CACNA1C: variants seen among roughly 807,000 people sequenced by gnomAD.
CACNA1C encodes calcium voltage-gated channel subunit alpha1 C.
Under a neutral mutation model 229.0 loss-of-function variants are expected in CACNA1C, and 30 were observed. The observed-to-expected ratio is 0.13, with a 90% CI of 0.10 to 0.18. The LOEUF is 0.18. CACNA1C is among the 10% of genes least tolerant of loss of function. CACNA1C has a pLI of 1.00. For synonymous variants in CACNA1C, 1,114 were observed against 1,132.5 expected (o/e 0.98, Z 0.33); for missense variants, 1,658 against 2,845.0 (o/e 0.58, Z 9.49).
chr12:2,312,435 G>A (rs2095487875), intron 3 of CACNA1C, among the ~76,000 whole-genome samples: 1 of 152,180 alleles, frequency 6.6e-6, no homozygotes, highest in Non-Finnish European at 1.5e-5. Context: ...ACAAAGCACT[G>A]TAATCTCTCC....
Position 2,605,864 on chromosome 12 carries a change from G to C in CACNA1C, c.3156+78G>C. The C allele has an allele frequency of 1.0e-6, 1 of 993,996 alleles. No homozygotes were observed. Among genetic ancestry groups the C allele is most frequent in the Non-Finnish European group, 1.6e-6 (1 of 622,334 alleles). 61.6% of individuals were successfully genotyped at this position (993,996 alleles called of 1,614,324 possible). A position where few individuals can be genotyped will look rare whatever the true frequency, so the allele number is the denominator to read the frequency against. ...CTGGGGAAGGGAACTGGCAGATATA[G>C]TACAAACGAGACAGTGTCCTGAGCC... is the stretch of plus-strand genomic sequence containing the variant. On this transcript the variant is annotated intron_variant, in intron 24 of 46. Transcript: ENST00000399655. This position sits in a 1 kb window ranked among gnomAD's most constrained non-coding sequence, Gnocchi z 6.2.
At chr12:2,077,625 A>G (rs2063708043) in intron 1 of CACNA1C, among the ~76,000 whole-genome samples, 1 of 152,224 alleles carries the variant, frequency 6.6e-6, no homozygotes, top group African/African-American at 2.4e-5. Context: ...GGCAGCCCAT[A>G]GAAGTTTGGA....
intron 22 of CACNA1C, among the ~76,000 whole-genome samples, chr12:2,604,273 CAGG>C (rs2074227199): frequency 6.6e-6 from 1 of 152,110 alleles, no homozygotes; most frequent in African/African-American, 2.4e-5. Flanking sequence ...GGGACTGAGA[CAGG>C]AGGGCAAGAG....
Position 2,593,246 on chromosome 12 carries a change from T to C in CACNA1C, c.2564T>C (p.Val855Ala). The C allele has an allele frequency of 6.2e-7, 1 of 1,613,816 alleles. No homozygotes were observed. Among genetic ancestry groups the C allele is most frequent in the Non-Finnish European group, 8.5e-7 (1 of 1,179,824 alleles). ...EEDEEEPEMP[V>A]GPRPRPLSEL... ...GATGAGGAGGAGCCAGAGATGCCTG[T>C]CGGCCCTCGCCCACGACCACTCTCT... The change falls in exon 19 of 47, where the codon GTC becomes GCC. Residue 855 changes from valine (V) to alanine (A), a missense_variant. Physicochemically the swap from Val to Ala is moderately conservative, Grantham distance 64 (BLOSUM62 0). This residue lies in a region of CACNA1C where 121 missense variants were observed against 128.8 expected (regional missense o/e 0.94). Transcript: ENST00000399655.
chr12:2,068,026 C>A (rs1022186083), intron 1 of CACNA1C, among the ~76,000 whole-genome samples: 1 of 152,094 alleles, frequency 6.6e-6, no homozygotes, highest in Admixed American at 6.6e-5. Context: ...TTTCTTCATC[C>A]TCTCCCCTGT....
chr12:2,609,394 A>G (rs1390855557), intron 27 of CACNA1C, among the ~76,000 whole-genome samples: 1 of 151,842 alleles, frequency 6.6e-6, no homozygotes, highest in Non-Finnish European at 1.5e-5. Flanking sequence ...GCAGGAGCGC[A>G]GCGTGGTGTG....
At chr12:2,102,236 A>G (rs1309500980) in intron 1 of CACNA1C, among the ~76,000 whole-genome samples, 1 of 152,244 alleles carries the variant, frequency 6.6e-6, no homozygotes, top group Non-Finnish European at 1.5e-5. Flanking sequence ...TGAAGGCCAA[A>G]TTAAAGTTCT....
intron 34 of CACNA1C, 73 bp downstream of exon 34, chr12:2,655,311 A>G: frequency 2.2e-6 from 2 of 914,938 alleles, no homozygotes; most frequent in Non-Finnish European, 3.4e-6. Context: ...CTGGTGGTAG[A>G]ATGAAAGGGA....
At chr12:2,338,681 C>G (rs1456881064) in intron 3 of CACNA1C, among the ~76,000 whole-genome samples, 1 of 152,102 alleles carries the variant, frequency 6.6e-6, no homozygotes, top group African/African-American at 2.4e-5. Context: ...TTTGGAGCAG[C>G]GAGCGACCCG....
At chr12:2,674,379 G>A (rs1603445019) in intron 38 of CACNA1C, 162 bp from the exon 39 acceptor site, 1 of 1,035,488 alleles carries the variant, frequency 9.7e-7, no homozygotes, top group Admixed American at 2.9e-5. Flanking sequence ...GGAAGGAGGT[G>A]GAAAATGGGA....
intron 3 of CACNA1C, among the ~76,000 whole-genome samples, chr12:2,289,634 C>T (rs148358453): frequency 2.0e-5 from 3 of 151,542 alleles, no homozygotes; most frequent in African/African-American, 4.8e-5. Context: ...GATAAAGGCA[C>T]GACGCCCTCA....
intron 1 of CACNA1C, among the ~76,000 whole-genome samples, chr12:1,994,950 C>T (rs946374625): frequency 9.8e-5 from 13 of 133,122 alleles, no homozygotes; most frequent in Non-Finnish European, 9.4e-5. Flanking sequence ...TTTTGTAATT[C>T]GCTACTGAAG....
rs76096427 is a variant in CACNA1C at position 2,686,504 on chromosome 12, C to A, written c.5784+235C>A. Among the ~76,000 whole-genome samples, 37 of 152,362 alleles carry A rather than the reference C, an allele frequency of 2.4e-4. No homozygotes were observed. In the East Asian group the frequency reaches 3.7e-3, roughly 15 times the overall value. ...CCTAGGAAGTGCTGGTGCACAGGAG[C>A]TCTTTGTGTGATCCTGAGGACCCAC... On this transcript the variant is annotated intron_variant, in intron 45 of 46. Transcript: ENST00000399655.
intron 1 of CACNA1C, among the ~76,000 whole-genome samples, chr12:2,097,259 C>G (rs1265452714): frequency 6.6e-6 from 1 of 152,244 alleles, no homozygotes; most frequent in Middle Eastern, 3.4e-3. Flanking sequence ...CATTCTCCTG[C>G]CTCAGCCTCC....
intron 6 of CACNA1C, among the ~76,000 whole-genome samples, chr12:2,487,265 C>T (rs1003571292): frequency 4.0e-5 from 6 of 151,542 alleles, no homozygotes; most frequent in Admixed American, 6.6e-5. Context: ...CATCATCTGC[C>T]GGAAACAGTG....
chr12:2,361,394 A>G (rs973834411), intron 3 of CACNA1C, among the ~76,000 whole-genome samples: 5 of 152,184 alleles, frequency 3.3e-5, no homozygotes, highest in Non-Finnish European at 1.5e-5. Context: ...GCTCTGGACG[A>G]TGATAGAGAT....
At chr12:2,485,845 A>T (rs887001) in intron 5 of CACNA1C, among the ~76,000 whole-genome samples, 1 of 151,958 alleles carries the variant, frequency 6.6e-6, no homozygotes, top group Non-Finnish European at 1.5e-5. Flanking sequence ...TGGAAACAAC[A>T]TGTTCTTCCC....
intron 3 of CACNA1C, among the ~76,000 whole-genome samples, chr12:2,219,306 T>TTC (rs750824850): frequency 6.6e-6 from 1 of 152,226 alleles, no homozygotes; most frequent in Non-Finnish European, 1.5e-5. Flanking sequence ...GCCTGTTTCC[T>TTC]TCTTGACTCC....
intron 3 of CACNA1C, among the ~76,000 whole-genome samples, chr12:2,224,854 T>C (rs1010878220): frequency 1.4e-4 from 21 of 152,126 alleles, no homozygotes; most frequent in African/African-American, 4.8e-4. Context: ...TGCAAAATGG[T>C]TTTCTGATGT....
Sources: allele counts gnomAD v4.1 joint callset (sites outside exome capture counted in the v4.1 genomes callset), GRCh38; gene constraint gnomAD v4.1.1; regional missense constraint gnomAD v4.1.1; non-coding constraint Gnocchi (gnomAD v3.1); transcripts MANE v1.5; gene names NCBI Gene and HGNC (gene_info 2026-07-23, HGNC 2026-07-21).